The following SCO1 variants were observed in gnomAD, a reference collection of about 807,000 sequenced individuals.
SCO1 encodes the protein synthesis of cytochrome C oxidase 1.
In SCO1, 23 loss-of-function variants were observed where a neutral mutation model predicts 34.0. The observed-to-expected ratio is 0.68, with a 90% CI of 0.49 to 0.96. The LOEUF (loss-of-function observed/expected upper bound fraction) is 0.96. Ranked by LOEUF, SCO1 falls within the 40% of genes least tolerant of loss-of-function variation. The pLI is 0.00. For synonymous variants in SCO1, 161 were observed against 145.5 expected, an observed-to-expected ratio of 1.11 and a Z score of -0.77; for missense variants, 404 against 381.6, an observed-to-expected ratio of 1.06 and a Z score of -0.49.
rs2074577140 is a variant in SCO1 at position 10,675,878 on chromosome 17, G to C, written c.*5241C>G. 6.6e-6 allele frequency: 1 copy of C among 152,064 alleles called. No homozygotes were observed. Among genetic ancestry groups the C allele is most frequent in the South Asian group, 2.1e-4 (1 of 4,820 alleles). The allele number at this position is 152,064 out of a possible 1,614,324, so 9.4% of individuals were successfully genotyped here. A position where few individuals can be genotyped will look rare whatever the true frequency, so the allele number is the denominator to read the frequency against. On this transcript the variant is annotated 3_prime_UTR_variant, in exon 6 of 6. Transcript: ENST00000255390. ...CTTTCCCTAGGGTTGTGTCTTCCTTGAACTGGGTGCAAACATGGACAAAGT... is the reference window on the plus strand; with the variant it reads ...CTTTCCCTAGGGTTGTGTCTTCCTTCAACTGGGTGCAAACATGGACAAAGT...
Position 10,686,737 on chromosome 17 carries a change from T to G in SCO1, c.761A>C (p.Glu254Ala). The change falls in exon 5 of 6, where the codon GAA (glutamate) becomes GCA (alanine). Residue 254 changes from glutamate to alanine, a missense_variant. Glu to Ala is a moderately radical substitution (Grantham distance 107, BLOSUM62 -1). Transcript: ENST00000255390. Reference sequence around the variant, plus strand: ...GGAACATTTACTCACTATGTAGTCTTCATCTTCGTCCTTGGGGCCAGGGCT... The same window carrying G: ...GGAACATTTACTCACTATGTAGTCTGCATCTTCGTCCTTGGGGCCAGGGCT... The part of the protein sequence containing the change: ...YYSPGPKDED[E>A]DYIVDHTIIM... The G allele has an allele frequency of 6.2e-7, 1 of 1,604,686 alleles. No homozygotes were observed.
chr17:10,690,949 T>C (rs1416125640), intron 4 of SCO1, among the ~76,000 whole-genome samples: 1 of 152,128 alleles, frequency 6.6e-6, no homozygotes, highest in Non-Finnish European at 1.5e-5. Context: ...CACAGAAAGA[T>C]AAATACTGCA....
At position 10,693,113 on chromosome 17, in the gene SCO1, C is replaced by A. The variant is rs114050725; in HGVS notation, c.365-152G>T. On this transcript the variant is annotated intron_variant, in intron 2 of 5. Transcript: ENST00000255390. ...TCAGTTTTCAAGAAGCTAAAAAAAT[C>A]TTTTCAGAAAAATAAGCACAAAACA... 2.2e-3 allele frequency: 1,474 copies of A among 672,668 alleles called. 23 individuals carry two copies. In the African/African-American group the frequency reaches 0.024, roughly 11 times the overall value. 41.7% of individuals were successfully genotyped at this position (672,668 alleles called of 1,614,324 possible).
At chr17:10,691,539 C>T (rs527952493) in intron 4 of SCO1, among the ~76,000 whole-genome samples, 3 of 152,326 alleles carry the variant, frequency 2.0e-5, no homozygotes, top group East Asian at 1.9e-4. Flanking sequence ...TCTGATTTTA[C>T]AATGCAGAGA....
chr17:10,695,155 G>A (rs1404350945), intron 2 of SCO1, among the ~76,000 whole-genome samples: 1 of 152,156 alleles, frequency 6.6e-6, no homozygotes, highest in African/African-American at 2.4e-5. Context: ...TCCACAGAGG[G>A]CATGCAGTAT....
chr17:10,688,196 G>A (rs569973735), intron 4 of SCO1, among the ~76,000 whole-genome samples: 1 of 152,226 alleles, frequency 6.6e-6, no homozygotes, highest in African/African-American at 2.4e-5. Context: ...TGTTTGAAAG[G>A]CACTGTTAAG....
In SCO1 at chr17:10,696,073, A is replaced by AAT. The variant is rs1166605258; in HGVS notation, c.274-243_274-242insAT. On this transcript the variant is annotated intron_variant, in intron 1 of 5. Transcript: ENST00000255390. ...TAAGTCAGTTCTCTTCATGTAAATA[A>AAT]AAAAAAAAAAAAAAAAAAAAAAAAG... Among the ~76,000 whole-genome samples, 74 of 139,242 alleles carry AAT rather than the reference A, an allele frequency of 5.3e-4. 1 individual carries two copies. The East Asian group carries it at 0.012, about 23-fold the overall frequency. The allele number at this position is 139,242 out of a possible 152,430, so 91.3% of individuals were successfully genotyped here. A position where few individuals can be genotyped will look rare whatever the true frequency, so the allele number is the denominator to read the frequency against.
chr17:10,684,570 T>C (rs2074642871), intron 5 of SCO1, among the ~76,000 whole-genome samples: 1 of 152,232 alleles, frequency 6.6e-6, no homozygotes, highest in Admixed American at 6.5e-5. Flanking sequence ...TTGCAGGCTG[T>C]TTGGGTTTAT....
intron 4 of SCO1, among the ~76,000 whole-genome samples, chr17:10,689,112 T>C (rs1167149866): frequency 3.2e-5 from 1 of 31,690 alleles, no homozygotes; most frequent in Admixed American, 3.8e-4. Context: ...CGAGACTCCG[T>C]CTCAAAAAAA....
intron 2 of SCO1, 143 bp from the exon 3 acceptor site, chr17:10,693,104 T>C: frequency 1.5e-6 from 1 of 683,256 alleles, no homozygotes; most frequent in Non-Finnish European, 2.5e-6. Context: ...TTCAAGAAGC[T>C]AAAAAAATCT....
intron 2 of SCO1, among the ~76,000 whole-genome samples, chr17:10,693,669 A>G (rs1219903698): frequency 6.6e-6 from 1 of 152,212 alleles, no homozygotes; most frequent in East Asian, 1.9e-4. Flanking sequence ...ATCATTCTTC[A>G]CTAAAAGGAA....
Position 10,695,730 on chromosome 17 carries a change from A to G in SCO1, c.364+11T>C, listed in dbSNP as rs771789731. ...CTTTATACAGGGCTGAGCAGATGAT[A>G]ATCTACTTACTCTCTGCCTTTTCTT... On this transcript the variant is annotated intron_variant, in intron 2 of 5. Transcript: ENST00000255390. The G allele has an allele frequency of 4.9e-5, 78 of 1,578,746 alleles. 1 individual carries two copies. In the South Asian group the frequency reaches 7.1e-4, roughly 14 times the overall value.
intron 2 of SCO1, 98 bp from the exon 3 acceptor site, chr17:10,693,059 T>C: frequency 1.0e-6 from 1 of 990,512 alleles, no homozygotes. Flanking sequence ...CTACTCATGG[T>C]GGGGGCACAA....
chr17:10,686,659 T>G, intron 5 of SCO1, 68 bp downstream of exon 5: 1 of 934,302 alleles, frequency 1.1e-6, no homozygotes, highest in Non-Finnish European at 1.8e-6. Context: ...TAGTCAGTCA[T>G]TGAAAGCCTT....
Position 10,679,096 on chromosome 17 carries a change from C to A in SCO1, c.*2023G>T, listed in dbSNP as rs2074602368. 6.6e-6 allele frequency: 1 copy of A among 152,240 alleles called. No individual in the cohort carries two copies. The highest frequency in any genetic ancestry group is 2.4e-5 in the African/African-American group (1 of 41,430). 9.4% of individuals were successfully genotyped at this position (152,240 alleles called of 1,614,324 possible). On this transcript the variant is annotated 3_prime_UTR_variant, in exon 6 of 6. Coordinates refer to ENST00000255390, the MANE Select transcript of SCO1 (RefSeq NM_004589.4). The stretch of plus-strand genomic sequence containing the variant: ...GAGTAACTGAGATTACAGGCACCCG[C>A]TACCATGCCCGGCTAATTTTTGTAT...
chr17:10,683,153 A>G (rs184674557), intron 5 of SCO1, among the ~76,000 whole-genome samples: 4 of 152,318 alleles, frequency 2.6e-5, no homozygotes, highest in Non-Finnish European at 4.4e-5. Flanking sequence ...GAGTGAACCA[A>G]TGCCATCAGT....
Position 10,697,409 on chromosome 17 carries a change from G to T in SCO1, c.99C>A (p.Ala33=). 1 of 1,608,800 alleles carries T rather than the reference G, an allele frequency of 6.2e-7. No homozygotes were observed. Among genetic ancestry groups the T allele is most frequent in the Non-Finnish European group, 8.5e-7 (1 of 1,177,804 alleles). The change falls in exon 1 of 6, where the codon GCC becomes GCA. Residue 33 remains alanine, a synonymous_variant. Transcript: ENST00000255390. ...TCAGCAAGACTCTCGCAGTCCCCTC[G>T]GCTGGGCCCCAAAACTCGAGTCCGC... ...LPRGLEFWGP[A]EGTARVLLRQ...
intron 5 of SCO1, among the ~76,000 whole-genome samples, chr17:10,682,253 A>G (rs146906076): frequency 3.9e-3 from 587 of 152,318 alleles, no homozygotes; most frequent in Non-Finnish European, 7.2e-3. Context: ...CCTCCCAAAC[A>G]TACCCCAGCA....
intron 4 of SCO1, among the ~76,000 whole-genome samples, chr17:10,688,835 G>GATGGGAGATTGGGGA (rs2074672447): frequency 6.6e-6 from 1 of 151,304 alleles, no homozygotes; most frequent in African/African-American, 2.5e-5. Flanking sequence ...CAGTTCTGCA[G>GATGGGAGATTGGGGA]GCCGGGCGCG....
Sources: gnomAD v4.1 joint callset for allele counts (sites outside exome capture counted in the v4.1 genomes callset) on GRCh38, gnomAD v4.1.1 for gene constraint, MANE v1.5 for transcripts, NCBI Gene and HGNC (gene_info 2026-07-23, HGNC 2026-07-21) for gene names.